The following SLC4A10 variants were observed in gnomAD, a reference collection of about 807,000 sequenced individuals.
The protein encoded by SLC4A10 is sodium-driven chloride bicarbonate exchanger.
In SLC4A10, 42 loss-of-function variants were observed where a neutral mutation model predicts 137.7. That is an observed-to-expected ratio of 0.30 (90% CI 0.24 to 0.39). SLC4A10 has a LOEUF of 0.39. Among genes scored for constraint, SLC4A10 ranks in the 10% least tolerant of loss-of-function variants. The pLI is 1.00. For synonymous variants in SLC4A10, 474 were observed against 464.1 expected, an observed-to-expected ratio of 1.02 and a Z score of -0.27; for missense variants, 925 against 1,355.0, an observed-to-expected ratio of 0.68 and a Z score of 4.98.
intron 3 of SLC4A10, among the ~76,000 whole-genome samples, chr2:161,811,890 T>C (rs1270756645): frequency 6.6e-6 from 1 of 152,074 alleles, no homozygotes; most frequent in Non-Finnish European, 1.5e-5. Flanking sequence ...AATGAATTTT[T>C]CTTATCATCT....
At chr2:161,752,845 C>A (rs1436900135) in intron 1 of SLC4A10, among the ~76,000 whole-genome samples, 4 of 151,956 alleles carry the variant, frequency 2.6e-5, no homozygotes, top group African/African-American at 7.2e-5. Context: ...ATAGATATAT[C>A]ATGGTGACTG....
At chr2:161,978,384 C>CAAAAAAAAAAAAA (rs61399867) in intron 26 of SLC4A10, among the ~76,000 whole-genome samples, 1 of 90,466 alleles carries the variant, frequency 1.1e-5, no homozygotes, top group East Asian at 2.9e-4. Context: ...GAGACTCTGT[C>CAAAAAAAAAAAAA]AAAAAAAAAA....
In SLC4A10 at chr2:161,945,175, T is replaced by TG. The variant is rs1491478300; in HGVS notation, c.2103+2278_2103+2279insG. ...TTTATGGCAAACTGGAGTACTTAAG[T>TG]TTGTGTGTATATATATATATATATA... On this transcript the variant is annotated intron_variant, in intron 16 of 26. Coordinates refer to ENST00000446997, the MANE Select transcript of SLC4A10 (RefSeq NM_001178015.2). Among the ~76,000 whole-genome samples the TG allele has an allele frequency of 1.3e-3, 141 of 109,954 alleles. 3 individuals carry two copies. The highest frequency in any genetic ancestry group is 5.5e-3 in the African/African-American group (138 of 24,944). 72.1% of individuals were successfully genotyped at this position (109,954 alleles called of 152,430 possible).
At chr2:161,649,305 G>A (rs1400451606) in intron 1 of SLC4A10, among the ~76,000 whole-genome samples, 4 of 152,190 alleles carry the variant, frequency 2.6e-5, no homozygotes, top group African/African-American at 9.7e-5. Context: ...GGTTTGCAGT[G>A]AGCCGAGATT....
chr2:161,753,520 A>C (rs2049226755), intron 1 of SLC4A10, among the ~76,000 whole-genome samples: 1 of 152,130 alleles, frequency 6.6e-6, no homozygotes, highest in Non-Finnish European at 1.5e-5. Context: ...CAAGTTACTC[A>C]ATCACTCTAA....
chr2:161,814,937 A>C (rs186200797), intron 3 of SLC4A10, among the ~76,000 whole-genome samples: 3 of 152,240 alleles, frequency 2.0e-5, no homozygotes, highest in African/African-American at 7.2e-5. Context: ...AGTAGAAATT[A>C]TTTTTAAAAC....
rs1396843663 is a variant in SLC4A10 at position 161,905,650 on chromosome 2, G to A, written c.1760G>A (p.Gly587Glu). 6.2e-7 allele frequency: 1 copy of A among 1,601,406 alleles called. No homozygotes were observed. Among genetic ancestry groups the A allele is most frequent in the Non-Finnish European group, 8.5e-7 (1 of 1,174,366 alleles). ...CCTTTTCCTCCTCCCAGAGAATATG[G>A]GCTGTCATACCTATCTTTAAGAGCT... ...KILFKFCKEYGLSYLSLRASI... is the reference protein window; with the variant it reads ...KILFKFCKEYELSYLSLRASI... The change falls in exon 15 of 27, where the codon GGG becomes GAG. Residue 587 changes from glycine to glutamate, a missense_variant. By Grantham distance (98) the Gly-to-Glu change is moderately conservative. Coordinates refer to ENST00000446997, the MANE Select transcript of SLC4A10 (RefSeq NM_001178015.2).
chr2:161,673,025 T>C (rs185857682), intron 1 of SLC4A10, among the ~76,000 whole-genome samples: 2 of 152,330 alleles, frequency 1.3e-5, no homozygotes, highest in Admixed American at 1.3e-4. Flanking sequence ...CACGTGCATA[T>C]GCGAGTGCAG....
intron 1 of SLC4A10, among the ~76,000 whole-genome samples, chr2:161,637,747 A>C (rs1225433396): frequency 6.6e-6 from 1 of 152,142 alleles, no homozygotes; most frequent in Non-Finnish European, 1.5e-5. Context: ...AGTTGTGAGA[A>C]AATCTCCACA....
chr2:161,638,408 T>C (rs2034767756), intron 1 of SLC4A10, among the ~76,000 whole-genome samples: 2 of 152,120 alleles, frequency 1.3e-5, no homozygotes, highest in African/African-American at 4.8e-5. Flanking sequence ...GTGCTCATGA[T>C]GCTTTTGTCA....
chr2:161,881,438 A>G (rs913030064), intron 9 of SLC4A10, among the ~76,000 whole-genome samples: 1 of 152,026 alleles, frequency 6.6e-6, no homozygotes, highest in African/African-American at 2.4e-5. Context: ...CATATCCTCT[A>G]CAATTGTGTA....
intron 15 of SLC4A10, among the ~76,000 whole-genome samples, chr2:161,928,212 G>T (rs1345733629): frequency 6.7e-6 from 1 of 149,594 alleles, no homozygotes; most frequent in South Asian, 2.1e-4. Flanking sequence ...ATGAGTTCAT[G>T]TCCTTTGTAG....
chr2:161,970,194 A>G (rs909827313), intron 23 of SLC4A10, among the ~76,000 whole-genome samples: 3 of 152,214 alleles, frequency 2.0e-5, no homozygotes, highest in Non-Finnish European at 2.9e-5. Flanking sequence ...TTTACTTACA[A>G]TAATTTACAT....
At chr2:161,960,200 C>T (rs1696396466) in intron 21 of SLC4A10, among the ~76,000 whole-genome samples, 1 of 151,512 alleles carries the variant, frequency 6.6e-6, no homozygotes, top group Non-Finnish European at 1.5e-5. Context: ...CCCATCTCTA[C>T]TAAAAATATA....
At chr2:161,873,316 C>G (rs775666351) in intron 7 of SLC4A10, among the ~76,000 whole-genome samples, 5 of 151,772 alleles carry the variant, frequency 3.3e-5, no homozygotes, top group Non-Finnish European at 7.4e-5. Context: ...TTAGCAAATT[C>G]CTGACATTGT....
rs531043212 is a variant in SLC4A10 at position 161,705,647 on chromosome 2, T to TA, written c.49-65323dup. 1.5e-3 allele frequency among the ~76,000 whole-genome samples: 230 copies of TA among 151,788 alleles called. 2 individuals are homozygous for TA. Among genetic ancestry groups the TA allele is most frequent in the African/African-American group, 5.4e-3 (224 of 41,526 alleles). The stretch of plus-strand genomic sequence containing the variant: ...TTAGACCATGAAGGCAGAGACCTCA[T>TA]AAATTGAATTAGTGCCCTTATAAAA... On this transcript the variant is annotated intron_variant, in intron 1 of 26. Transcript: ENST00000446997.
intron 8 of SLC4A10, among the ~76,000 whole-genome samples, chr2:161,878,324 A>G (rs1265598865): frequency 6.6e-6 from 1 of 152,204 alleles, no homozygotes; most frequent in African/African-American, 2.4e-5. Flanking sequence ...TACAATTTAC[A>G]TTAAAGTCAC....
intron 2 of SLC4A10, among the ~76,000 whole-genome samples, chr2:161,791,384 C>G (rs1333016195): frequency 6.6e-6 from 1 of 152,162 alleles, no homozygotes; most frequent in African/African-American, 2.4e-5. Flanking sequence ...CTAAATACCA[C>G]ATATTCTCAC....
rs147595979 is a variant in SLC4A10, at chr2:161,780,754, A to T, written c.130+9700A>T. 2.7e-3 allele frequency among the ~76,000 whole-genome samples: 417 copies of T among 152,106 alleles called. 1 individual carries two copies. The highest frequency in any genetic ancestry group is 4.7e-3 in the Non-Finnish European group (319 of 67,960). On this transcript the variant is annotated intron_variant, in intron 2 of 26. Transcript: ENST00000446997. Reference sequence around the variant, plus strand: ...ATTGCATGTAAAGTAATTCAAATAGAATATAGTTTACAATTTTCTTCCAAA... The same window carrying T: ...ATTGCATGTAAAGTAATTCAAATAGTATATAGTTTACAATTTTCTTCCAAA...
Sources: gnomAD v4.1 joint callset for allele counts (sites outside exome capture counted in the v4.1 genomes callset) on GRCh38, gnomAD v4.1.1 for gene constraint, MANE v1.5 for transcripts, NCBI Gene and HGNC (gene_info 2026-07-23, HGNC 2026-07-21) for gene names.